Variants in RANBP2 observed in about 807,000 individuals in gnomAD.
RANBP2 encodes E3 SUMO-protein ligase RanBP2.
A neutral mutation model predicts 303.6 loss-of-function variants in RANBP2; 57 were observed. The observed-to-expected ratio is 0.19, with a 90% confidence interval of 0.15 to 0.23. RANBP2 has a LOEUF of 0.23. RANBP2 is among the 10% of genes least tolerant of loss of function. RANBP2 has a pLI of 1.00. For synonymous variants in RANBP2, 1,167 were observed against 1,301.5 expected, an observed-to-expected ratio of 0.90 and a Z score of 2.23; for missense variants, 3,138 against 3,780.8, an observed-to-expected ratio of 0.83 and a Z score of 4.46.
At chr2:109,172,738 G>T in the RANBP2 span, among the ~76,000 whole-genome samples, 1 of 152,238 alleles carries the variant, frequency 6.6e-6, no homozygotes, top group Non-Finnish European at 1.5e-5. Context: ...CTCTGGCAGG[G>T]ATGCTGGACT....
At chr2:109,448,764 G>A in the RANBP2 span, among the ~76,000 whole-genome samples, 2 of 152,250 alleles carry the variant, frequency 1.3e-5, no homozygotes, top group Admixed American at 1.3e-4. Flanking sequence ...GAATCATCCC[G>A]AAACCATCCC....
the RANBP2 span, among the ~76,000 whole-genome samples, chr2:109,214,028 G>A: frequency 5.3e-5 from 8 of 152,298 alleles, no homozygotes; most frequent in African/African-American, 1.7e-4. Flanking sequence ...TCTGAGACCA[G>A]CCCTGCAGTT....
chr2:109,650,429 G>C, the RANBP2 span, among the ~76,000 whole-genome samples: 10 of 152,174 alleles, frequency 6.6e-5, no homozygotes, highest in Admixed American at 1.3e-4. Flanking sequence ...GGGCCTGCCC[G>C]GGCAGAGCTG....
chr2:109,102,336 G>A, the RANBP2 span, among the ~76,000 whole-genome samples: 4 of 151,610 alleles, frequency 2.6e-5, no homozygotes, highest in East Asian at 1.9e-4. Context: ...TTCAGACCTC[G>A]TGATCCGCCT....
At chr2:109,372,447 G>A in the RANBP2 span, among the ~76,000 whole-genome samples, 1 of 152,222 alleles carries the variant, frequency 6.6e-6, no homozygotes, top group Non-Finnish European at 1.5e-5. Context: ...GTAACCACCA[G>A]CGTCATCCCA....
chr2:109,544,253 T>C, the RANBP2 span: 1 of 1,613,038 alleles, frequency 6.2e-7, no homozygotes, highest in East Asian at 2.2e-5. Flanking sequence ...ACTTCTAGTT[T>C]TTTTTTAATA....
chr2:109,496,849 G>T, the RANBP2 span, among the ~76,000 whole-genome samples: 2 of 152,208 alleles, frequency 1.3e-5, no homozygotes, highest in South Asian at 4.1e-4. Flanking sequence ...GATTACCCGG[G>T]ATTATCCAGG....
At chr2:109,465,931 G>C in the RANBP2 span, among the ~76,000 whole-genome samples, 5 of 152,164 alleles carry the variant, frequency 3.3e-5, no homozygotes, top group Middle Eastern at 3.4e-3. Flanking sequence ...CCGTCCCCAC[G>C]ATCCAGTCAC....
chr2:109,649,063 G>A, the RANBP2 span, among the ~76,000 whole-genome samples: 637 of 152,148 alleles, frequency 4.2e-3, 4 homozygotes, highest in Middle Eastern at 0.014. Flanking sequence ...CCTGGTGCTC[G>A]GTAACTACTT....
the RANBP2 span, among the ~76,000 whole-genome samples, chr2:109,446,951 G>A: frequency 6.6e-6 from 1 of 151,962 alleles, no homozygotes; most frequent in East Asian, 1.9e-4. Context: ...CCGAGAGAAG[G>A]GGAGTCAGAC....
At chr2:108,910,311 C>G in the RANBP2 span, 1 of 673,078 alleles carries the variant, frequency 1.5e-6, no homozygotes, top group Non-Finnish European at 2.6e-6. Flanking sequence ...TGCCAGTCAG[C>G]AAAGAGGTGG....
chr2:109,439,270 G>A, the RANBP2 span, among the ~76,000 whole-genome samples: 7 of 152,182 alleles, frequency 4.6e-5, no homozygotes, highest in Non-Finnish European at 8.8e-5. Context: ...TGAGGCACGG[G>A]ATGGTTAAAC....
chr2:109,466,143 T>C, the RANBP2 span, among the ~76,000 whole-genome samples: 1 of 140,962 alleles, frequency 7.1e-6, no homozygotes, highest in South Asian at 2.4e-4. Context: ...GCAGCAGTGC[T>C]ATCTCGGCTC....
chr2:109,709,563 C>T, the RANBP2 span, among the ~76,000 whole-genome samples: 1 of 152,136 alleles, frequency 6.6e-6, no homozygotes, highest in Non-Finnish European at 1.5e-5. Flanking sequence ...ACTGCAATTC[C>T]TTATCTAGAG....
chr2:109,331,314 T>C, the RANBP2 span, among the ~76,000 whole-genome samples: 2 of 152,140 alleles, frequency 1.3e-5, no homozygotes, highest in African/African-American at 2.4e-5. Flanking sequence ...GAGTTCCTCA[T>C]TTGCAATCAA....
At chr2:109,583,681 G>T in the RANBP2 span, among the ~76,000 whole-genome samples, 1 of 152,036 alleles carries the variant, frequency 6.6e-6, no homozygotes, top group African/African-American at 2.4e-5. Context: ...AAAGACACAT[G>T]TACTCATATG....
chr2:109,766,884 A>T, the RANBP2 span, among the ~76,000 whole-genome samples: 2 of 149,596 alleles, frequency 1.3e-5, no homozygotes, highest in Non-Finnish European at 3.0e-5. Flanking sequence ...TGGTAACATA[A>T]TTTTTTTGTT....
At chr2:109,513,389 TAC>T in the RANBP2 span, among the ~76,000 whole-genome samples, 1 of 150,670 alleles carries the variant, frequency 6.6e-6, no homozygotes, top group Non-Finnish European at 1.5e-5. Flanking sequence ...TTCACACATG[TAC>T]ACATGCATGC....
chr2:109,318,023 CA>C, the RANBP2 span, among the ~76,000 whole-genome samples: 1 of 150,828 alleles, frequency 6.6e-6, no homozygotes, highest in Admixed American at 6.6e-5. Context: ...CATTAAAAAG[CA>C]AAGGGCAGGG....
Sources: gnomAD v4.1 joint callset for allele counts (sites outside exome capture counted in the v4.1 genomes callset) on GRCh38, gnomAD v4.1.1 for gene constraint, MANE v1.5 for transcripts, NCBI Gene and HGNC (gene_info 2026-07-23, HGNC 2026-07-21) for gene names.